Variants in ARHGAP29 observed in about 807,000 individuals in gnomAD.
ARHGAP29 encodes the protein Rho GTPase activating protein 29.
Under a neutral mutation model 122.6 loss-of-function variants are expected in ARHGAP29, and 43 were observed. The observed-to-expected ratio is 0.35, with a 90% confidence interval of 0.27 to 0.45. The LOEUF (loss-of-function observed/expected upper bound fraction) is 0.45. Among genes scored for constraint, ARHGAP29 ranks in the 20% least tolerant of loss-of-function variants. The probability of loss-of-function intolerance (pLI) is 1.00; values close to 1 mark genes in which losing one functional copy is unlikely to be tolerated. For missense variants in ARHGAP29, 1,303 were observed against 1,477.2 expected (o/e 0.88, Z 1.93); for synonymous variants, 506 against 497.1 (o/e 1.02, Z -0.24).
intron 12 of ARHGAP29, chr1:94,195,978 G>A (rs930457638): frequency 1.3e-5 from 2 of 152,128 alleles, no homozygotes; most frequent in Non-Finnish European, 2.9e-5. Flanking sequence ...AAGCAACGGA[G>A]CTTCAAAATA....
intron 3 of ARHGAP29, among the ~76,000 whole-genome samples, chr1:94,211,308 A>AC (rs1651595757): frequency 1.3e-5 from 2 of 150,418 alleles, no homozygotes; most frequent in South Asian, 2.1e-4. Flanking sequence ...AAAAAAAAAA[A>AC]AAAAAGGACA....
At chr1:94,290,828 G>A in the ARHGAP29 span, among the ~76,000 whole-genome samples, 1 of 152,194 alleles carries the variant, frequency 6.6e-6, no homozygotes. Context: ...TTGCTGAGGA[G>A]TGTTTTACTT....
At chr1:94,205,397 A>G (rs191674548) in intron 6 of ARHGAP29, among the ~76,000 whole-genome samples, 199 bp from the exon 7 acceptor site, 14 of 152,298 alleles carry the variant, frequency 9.2e-5, no homozygotes, top group African/African-American at 3.4e-4. Flanking sequence ...ATCTTAAAAT[A>G]TATTTCTATT....
chr1:94,228,684 A>G (rs1461494198), intron 2 of ARHGAP29, among the ~76,000 whole-genome samples: 1 of 151,830 alleles, frequency 6.6e-6, no homozygotes, highest in East Asian at 1.9e-4. Context: ...TTTGTATGAC[A>G]AAGTACTCTG....
intron 12 of ARHGAP29, among the ~76,000 whole-genome samples, 200 bp downstream of exon 12, chr1:94,201,506 TTCTCTCTCTCTCTC>T (rs111304569): frequency 0.94 from 133,357 of 141,336 alleles, 63,434 homozygotes; most frequent in Non-Finnish European, 1. Context: ...CCTTCCTTCC[TTCTCTCTCTCTCTC>T]TCTCTCTCTC....
At chr1:94,206,783 C>G (rs756817286) in intron 5 of ARHGAP29, among the ~76,000 whole-genome samples, 4 of 151,850 alleles carry the variant, frequency 2.6e-5, no homozygotes, top group Admixed American at 2.6e-4. Context: ...GTGGTCCCAG[C>G]TACTTGGGAG....
At position 94,188,918 on chromosome 1, in the gene ARHGAP29, T is replaced by C. The variant is rs774066187; in HGVS notation, c.1600A>G (p.Thr534Ala). The change falls in exon 15 of 23, where the codon ACA (threonine) becomes GCA (alanine). Residue 534 changes from threonine to alanine, a missense_variant. Coordinates refer to ENST00000260526, the MANE Select transcript of ARHGAP29 (RefSeq NM_004815.4). The part of the protein sequence containing the change: ...ITGPSFIRSW[T>A]FGMFSDSEST... ...TCAGAATCACTAAACATCCCAAATG[T>C]CCATGATCTTATAAAGGAAGGACCT... 1.2e-6 allele frequency: 2 copies of C among 1,612,994 alleles called. No individual in the cohort carries two copies. The highest frequency in any genetic ancestry group is 1.7e-6 in the Non-Finnish European group (2 of 1,179,252).
At chr1:94,189,672 C>T (rs1557847331) in intron 13 of ARHGAP29, among the ~76,000 whole-genome samples, 1 of 151,946 alleles carries the variant, frequency 6.6e-6, no homozygotes, top group Non-Finnish European at 1.5e-5. Flanking sequence ...ACATGTATGG[C>T]CATCATATGC....
chr1:94,182,798 CA>C (rs1649558039), intron 19 of ARHGAP29, among the ~76,000 whole-genome samples: 1 of 145,612 alleles, frequency 6.9e-6, no homozygotes, highest in African/African-American at 2.6e-5. Context: ...TGGGCATGAC[CA>C]AAACAGGAGA....
chr1:94,243,752 G>A (rs1416677152), intron 1 of ARHGAP29, among the ~76,000 whole-genome samples: 1 of 151,862 alleles, frequency 6.6e-6, no homozygotes, highest in East Asian at 1.9e-4. Context: ...CCAAAAGCTG[G>A]TTCTTTGAAA....
In ARHGAP29 at chr1:94,209,246, C is replaced by T. The variant is rs1346175001; in HGVS notation, c.437+8G>A. The T allele has an allele frequency of 6.3e-7, 1 of 1,593,598 alleles. No homozygotes were observed. Among genetic ancestry groups the T allele is most frequent in the Non-Finnish European group, 8.6e-7 (1 of 1,165,528 alleles). ...ACTAGTTGCTTTAAATGACAGTTCT[C>T]TACTTACATATTTCCAAAGGTAAAT... On this transcript the variant is annotated splice_region_variant and intron_variant, in intron 4 of 22. Coordinates refer to ENST00000260526, the MANE Select transcript of ARHGAP29 (RefSeq NM_004815.4).
At chr1:94,251,230 G>T (rs576559945) in intron 1 of ARHGAP29, among the ~76,000 whole-genome samples, 13 of 150,906 alleles carry the variant, frequency 8.6e-5, no homozygotes, top group African/African-American at 3.2e-4. Context: ...GAGTGCAGTG[G>T]CGCAATCTTG....
chr1:94,262,587 C>T (rs1570620332), intron 1 of ARHGAP29, among the ~76,000 whole-genome samples: 1 of 151,922 alleles, frequency 6.6e-6, no homozygotes, highest in African/African-American at 2.4e-5. Context: ...AAAAAGTGGG[C>T]AAAGAACATG....
intron 2 of ARHGAP29, among the ~76,000 whole-genome samples, chr1:94,230,973 C>T (rs1379322020): frequency 4.0e-5 from 6 of 151,366 alleles, no homozygotes; most frequent in Non-Finnish European, 8.9e-5. Flanking sequence ...AAAAAAAATG[C>T]AGTCATTTTA....
Position 94,268,402 on chromosome 1 carries a change from C to T in ARHGAP29, c.-33+6610G>A, listed in dbSNP as rs571321052. Among the ~76,000 whole-genome samples the T allele has an allele frequency of 4.6e-5, 7 of 152,200 alleles. No homozygotes were observed. In the East Asian group the frequency reaches 9.7e-4, roughly 21 times the overall value. On this transcript the variant is annotated intron_variant and NMD_transcript_variant, in intron 1 of 25. Coordinates refer to the ARHGAP29 transcript ENST00000552844. ...TCACCCTCCCCTACTCCTGCCACATCCCCCCAGCACACACACACATTGGCA... is the reference window on the plus strand; with the variant it reads ...TCACCCTCCCCTACTCCTGCCACATTCCCCCAGCACACACACACATTGGCA...
chr1:94,250,677 C>T (rs558938159), intron 1 of ARHGAP29: 202 of 152,294 alleles, frequency 1.3e-3, no homozygotes, highest in African/African-American at 4.4e-3. Flanking sequence ...ATGTGAAAGA[C>T]ATTACCAACA....
chr1:94,216,718 A>C (rs985906270), intron 3 of ARHGAP29, among the ~76,000 whole-genome samples: 11 of 152,318 alleles, frequency 7.2e-5, no homozygotes, highest in African/African-American at 2.4e-4. Flanking sequence ...AAAAAACCTA[A>C]ATTAAGGGTT....
At chr1:94,260,194 T>C in intron 1 of ARHGAP29, among the ~76,000 whole-genome samples, 1 of 152,194 alleles carries the variant, frequency 6.6e-6, no homozygotes, top group East Asian at 1.9e-4. Flanking sequence ...TATGGTAGCC[T>C]TTTCCCATTT....
chr1:94,239,718 A>G (rs1653505145), upstream of ARHGAP29, among the ~76,000 whole-genome samples: 1 of 151,986 alleles, frequency 6.6e-6, no homozygotes, highest in South Asian at 2.1e-4. Flanking sequence ...AAAGAGGGTC[A>G]TTTCTCACAT....
Sources: gnomAD v4.1 joint callset for allele counts (sites outside exome capture counted in the v4.1 genomes callset) on GRCh38, gnomAD v4.1.1 for gene constraint, MANE v1.5 for transcripts, NCBI Gene and HGNC (gene_info 2026-07-23, HGNC 2026-07-21) for gene names.